LONP1: variants seen among roughly 807,000 people sequenced by gnomAD.
The protein encoded by LONP1 is lon peptidase 1, mitochondrial.
A neutral mutation model predicts 98.5 loss-of-function variants in LONP1; 31 were observed. That is an observed-to-expected ratio of 0.31 (90% CI 0.24 to 0.42). The LOEUF is 0.42. Among genes scored for constraint, LONP1 ranks in the 20% least tolerant of loss-of-function variants. LONP1 has a pLI of 1.00. For missense variants in LONP1, 1,336 were observed against 1,350.6 expected (o/e 0.99, Z 0.17); for synonymous variants, 781 against 594.7 (o/e 1.31, Z -4.56).
chr19:5,712,380 C>A, intron 3 of LONP1: 1 of 209,398 alleles, frequency 4.8e-6, no homozygotes, highest in East Asian at 1.3e-4. Flanking sequence ...CAGCTCATAG[C>A]AGCTCCTTCC....
intron 4 of LONP1, among the ~76,000 whole-genome samples, chr19:5,710,679 A>G (rs553501684): frequency 6.6e-6 from 1 of 152,232 alleles, no homozygotes; most frequent in Non-Finnish European, 1.5e-5. Context: ...TACCCAGCCA[A>G]TAAAATGTTC....
At chr19:5,696,823 C>T in intron 10 of LONP1, 66 bp from the exon 11 acceptor site, 1 of 1,076,976 alleles carries the variant, frequency 9.3e-7, no homozygotes, top group Non-Finnish European at 1.4e-6. Flanking sequence ...ACACCATGCA[C>T]CCTCCAGGGC....
At chr19:5,695,637 A>C (rs969998365) in intron 13 of LONP1, among the ~76,000 whole-genome samples, 1 of 151,984 alleles carries the variant, frequency 6.6e-6, no homozygotes, top group African/African-American at 2.4e-5. Context: ...AAAAAAACAC[A>C]TGAGAAATAT....
chr19:5,711,756 G>C lies in LONP1; in HGVS notation c.870+15C>G, dbSNP rs751841227. 4 of 1,593,570 alleles carry C rather than the reference G, an allele frequency of 2.5e-6. No individual in the cohort carries two copies. The Admixed American group carries it at 6.7e-5, about 27-fold the overall frequency. ...GGAGGCAGCTGTGGCCGCCCTGCGT[G>C]ACGCACGGACTCACTTTCACCTCCT... On this transcript the variant is annotated intron_variant, in intron 4 of 17. Transcript: ENST00000360614.
chr19:5,698,838 T>G (rs760846570), intron 10 of LONP1, among the ~76,000 whole-genome samples, 189 bp downstream of exon 10: 25 of 152,354 alleles, frequency 1.6e-4, no homozygotes, highest in Middle Eastern at 3.4e-3. Flanking sequence ...CAGCGCTGTT[T>G]GAGCACCTGG....
intron 2 of LONP1, among the ~76,000 whole-genome samples, chr19:5,713,828 G>C (rs959189520): frequency 6.6e-6 from 1 of 152,188 alleles, no homozygotes; most frequent in East Asian, 1.9e-4. Context: ...CTCCCAAAGT[G>C]CTGGGATTAC....
intron 9 of LONP1, 105 bp downstream of exon 9, chr19:5,700,684 C>A: frequency 6.8e-7 from 1 of 1,474,852 alleles, no homozygotes; most frequent in Non-Finnish European, 9.2e-7. Context: ...CCCAGGCCTA[C>A]GAATTCACCA....
chr19:5,694,454 G>A lies in LONP1; in HGVS notation c.2253C>T (p.Phe751=). 1 of 1,613,432 alleles carries A rather than the reference G, an allele frequency of 6.2e-7. No homozygotes were observed. Among genetic ancestry groups the A allele is most frequent in the South Asian group, 1.1e-5 (1 of 91,074 alleles). Residue 751 remains phenylalanine (F), a synonymous_variant, in exon 15 of 18, where the codon TTC becomes TTT. Transcript: ENST00000360614. ...NLQDFVGKPV[F]TVERMYDVTP... ...TCACGTCATACATGCGCTCCACGGTGAACACGGGCTTCCCCACGAAGTCCT... is the reference window on the plus strand; with the variant it reads ...TCACGTCATACATGCGCTCCACGGTAAACACGGGCTTCCCCACGAAGTCCT...
At chr19:5,699,000 T>TG in intron 10 of LONP1, 27 bp downstream of exon 10, 1 of 1,583,274 alleles carries the variant, frequency 6.3e-7, no homozygotes, top group Non-Finnish European at 8.6e-7. Context: ...GGGGAGTGCG[T>TG]GGGGAGAGCT....
chr19:5,719,335 G>C (rs978773168), intron 1 of LONP1, among the ~76,000 whole-genome samples: 2 of 152,176 alleles, frequency 1.3e-5, no homozygotes, highest in African/African-American at 2.4e-5. Context: ...GTAACCAGAC[G>C]GCAGAGCGCC....
intron 10 of LONP1, among the ~76,000 whole-genome samples, chr19:5,698,269 G>C (rs549185279): frequency 1.3e-5 from 2 of 152,182 alleles, no homozygotes; most frequent in East Asian, 3.9e-4. Flanking sequence ...AGCTGGGGAT[G>C]TTTTTAGAGA....
intron 17 of LONP1, 61 bp from the exon 18 acceptor site, chr19:5,692,269 C>A: frequency 6.6e-7 from 1 of 1,516,332 alleles, no homozygotes; most frequent in Non-Finnish European, 8.9e-7. Flanking sequence ...GGTGTGCTAA[C>A]CTCCAGGAAC....
intron 9 of LONP1, 77 bp from the exon 10 acceptor site, chr19:5,699,282 C>A: frequency 8.3e-7 from 1 of 1,207,046 alleles, no homozygotes; most frequent in Non-Finnish European, 1.1e-6. Context: ...GCCACCTGCA[C>A]ACTGCCTTTC....
In LONP1 at chr19:5,694,379, A is replaced by G. The variant is rs2054885626; in HGVS notation, c.2320+8T>C. 6.2e-7 allele frequency: 1 copy of G among 1,610,738 alleles called. No individual in the cohort carries two copies. The highest frequency in any genetic ancestry group is 1.7e-5 in the Admixed American group (1 of 59,956). ...GGCTTTGGGGTCTTCTCCCGCCACC[A>G]CGCTCACCCATTGCGGTCCAGGCCA... On this transcript the variant is annotated splice_region_variant and intron_variant, in intron 15 of 17. Transcript: ENST00000360614.
intron 1 of LONP1, among the ~76,000 whole-genome samples, 186 bp downstream of exon 1, chr19:5,719,518 A>C (rs2055389679): frequency 6.6e-6 from 1 of 152,220 alleles, no homozygotes; most frequent in African/African-American, 2.4e-5. Context: ...AGAAATCCGA[A>C]AGGGAGAGGA....
chr19:5,707,252 G>T, intron 6 of LONP1, 109 bp from the exon 7 acceptor site: 1 of 842,318 alleles, frequency 1.2e-6, no homozygotes, highest in Non-Finnish European at 1.9e-6. Flanking sequence ...GGGAGGACCT[G>T]GCCATGCTGT....
intron 9 of LONP1, among the ~76,000 whole-genome samples, chr19:5,700,497 GC>G (rs1306798465): frequency 6.6e-6 from 1 of 151,940 alleles, no homozygotes; most frequent in African/African-American, 2.4e-5. Context: ...GCTCACCACA[GC>G]CTCAACTTCC....
chr19:5,692,660 C>G (rs1374745836), intron 17 of LONP1, among the ~76,000 whole-genome samples: 4 of 152,036 alleles, frequency 2.6e-5, no homozygotes, highest in Non-Finnish European at 5.9e-5. Context: ...CCCACCACAG[C>G]CCCTTGAAAG....
At chr19:5,695,296 C>T (rs1443022304) in intron 13 of LONP1, among the ~76,000 whole-genome samples, 1 of 152,096 alleles carries the variant, frequency 6.6e-6, no homozygotes, top group East Asian at 1.9e-4. Flanking sequence ...ACCCACAGCC[C>T]CACACAATTC....
Sources: allele counts gnomAD v4.1 joint callset (sites outside exome capture counted in the v4.1 genomes callset), GRCh38; gene constraint gnomAD v4.1.1; transcripts MANE v1.5; gene names NCBI Gene and HGNC (gene_info 2026-07-23, HGNC 2026-07-21).